Variants in RAI1 observed in about 807,000 individuals in gnomAD.
RAI1 encodes the protein retinoic acid-induced protein 1.
In RAI1, 9 loss-of-function variants were observed where a neutral mutation model predicts 123.8. That is an observed-to-expected ratio of 0.07 (90% CI 0.04 to 0.13). The LOEUF (loss-of-function observed/expected upper bound fraction) is 0.13. Among genes scored for constraint, RAI1 ranks in the 10% least tolerant of loss-of-function variants. The pLI is 1.00. For synonymous variants in RAI1, 1,231 were observed against 1,127.3 expected (o/e 1.09, Z -1.84); for missense variants, 2,256 against 2,545.8 (o/e 0.89, Z 2.45).
intron 2 of RAI1, among the ~76,000 whole-genome samples, chr17:17,748,943 G>T (rs2030039179): frequency 6.6e-6 from 1 of 152,154 alleles, no homozygotes; most frequent in Non-Finnish European, 1.5e-5. Flanking sequence ...CCTGGTGGCA[G>T]GCACACCTCA....
intron 1 of RAI1, chr17:17,683,440 G>C (rs1285576583): frequency 6.6e-6 from 1 of 152,288 alleles, no homozygotes. Context: ...GCCCCTCCCT[G>C]CTGACCACAC....
intron 2 of RAI1, among the ~76,000 whole-genome samples, chr17:17,784,360 C>G (rs985869512): frequency 6.6e-6 from 1 of 152,220 alleles, no homozygotes; most frequent in Non-Finnish European, 1.5e-5. Context: ...GCACATTCCA[C>G]GACTCCTCTG....
chr17:17,684,605 C>A (rs1914557581), intron 1 of RAI1: 1 of 150,872 alleles, frequency 6.6e-6, no homozygotes, highest in Non-Finnish European at 1.5e-5. Context: ...TTGGCACCCT[C>A]CCTGCAGGTA....
rs140258257 is a variant in RAI1, at chr17:17,699,632, G to C, written c.-149+17839G>C. ...AGCCCATCCATTGTCGGGGGGCCGG[G>C]GGGGGGGGAATCAAATGAATTGCCA... is the stretch of plus-strand genomic sequence containing the variant. On this transcript the variant is annotated intron_variant, in intron 1 of 5. Transcript: ENST00000353383. Among the ~76,000 whole-genome samples the C allele has an allele frequency of 1.6e-3, 233 of 149,930 alleles. 1 individual carries two copies. Among genetic ancestry groups the C allele is most frequent in the African/African-American group, 4.9e-3 (196 of 40,258 alleles).
intron 2 of RAI1, among the ~76,000 whole-genome samples, chr17:17,780,939 CAG>C (rs1056783893): frequency 2.0e-5 from 3 of 152,194 alleles, no homozygotes; most frequent in South Asian, 4.1e-4. Context: ...GCCCAGCACT[CAG>C]AGTCAGCGCT....
At chr17:17,781,244 C>A (rs1429995207) in intron 2 of RAI1, among the ~76,000 whole-genome samples, 1 of 152,232 alleles carries the variant, frequency 6.6e-6, no homozygotes, top group Non-Finnish European at 1.5e-5. Flanking sequence ...AACCTTCCGT[C>A]CTCTGTGCTG....
chr17:17,689,735 G>A (rs770765045), intron 1 of RAI1, among the ~76,000 whole-genome samples: 2 of 152,170 alleles, frequency 1.3e-5, no homozygotes, highest in African/African-American at 2.4e-5. Context: ...GTAAAATGGG[G>A]GAACTGATAG....
At chr17:17,769,684 G>C (rs2031073443) in intron 2 of RAI1, among the ~76,000 whole-genome samples, 1 of 152,208 alleles carries the variant, frequency 6.6e-6, no homozygotes, top group South Asian at 2.1e-4. Context: ...CTTCAGGCAG[G>C]GGAACCCCAG....
chr17:17,705,117 C>A (rs576332919), intron 1 of RAI1, among the ~76,000 whole-genome samples: 3 of 152,316 alleles, frequency 2.0e-5, no homozygotes, highest in Non-Finnish European at 4.4e-5. Flanking sequence ...TTTGTTACAG[C>A]AACATGGCTA....
chr17:17,711,865 A>G (rs982984461), intron 1 of RAI1, among the ~76,000 whole-genome samples: 2 of 152,230 alleles, frequency 1.3e-5, no homozygotes, highest in African/African-American at 4.8e-5. Flanking sequence ...GGGACAAAGC[A>G]TTCAACTCCC....
intron 1 of RAI1, among the ~76,000 whole-genome samples, chr17:17,705,552 A>C (rs1485445025): frequency 7.1e-6 from 1 of 140,760 alleles, no homozygotes; most frequent in African/African-American, 2.5e-5. Context: ...GTCTCAAAAA[A>C]CAAAAACAAA....
intron 3 of RAI1, 145 bp downstream of exon 3, chr17:17,798,658 C>T: frequency 2.8e-6 from 4 of 1,413,868 alleles, no homozygotes; most frequent in Non-Finnish European, 1.9e-6. Flanking sequence ...TCCTGAGCCT[C>T]TCTGGGGTGT....
At chr17:17,765,032 C>T (rs1019828128) in intron 2 of RAI1, among the ~76,000 whole-genome samples, 2 of 152,188 alleles carry the variant, frequency 1.3e-5, no homozygotes, top group Non-Finnish European at 2.9e-5. Flanking sequence ...TGTTTATAAT[C>T]GGAGGATCTT....
rs780369266 is a variant in RAI1 at position 17,796,818 on chromosome 17, A to G, written c.3870A>G (p.Thr1290=). The G allele has an allele frequency of 5.6e-6, 9 of 1,610,774 alleles. No homozygotes were observed. In the Admixed American group the frequency reaches 6.7e-5, roughly 12 times the overall value. Residue 1290 remains threonine, a synonymous_variant, in exon 3 of 6, where the codon ACA becomes ACG. Coordinates refer to ENST00000353383, the MANE Select transcript of RAI1 (RefSeq NM_030665.4). This position sits in a 1 kb window ranked among gnomAD's most constrained non-coding sequence, Gnocchi z 5.8. ...KPTKGNGEPA[T]KLPPPETPDA... ...CCAAGGGCAATGGCGAGCCTGCCAC[A>G]AAGCTCCCACCCCCGGAGACCCCCG...
chr17:17,716,830 A>G (rs762691152), intron 1 of RAI1, among the ~76,000 whole-genome samples: 2 of 152,170 alleles, frequency 1.3e-5, no homozygotes, highest in Non-Finnish European at 2.9e-5. Flanking sequence ...AGCGTGGGGC[A>G]CTGGTGGGGC....
rs2032405966 is a variant in RAI1 at position 17,800,180 on chromosome 17, G to GTCTCTCTGTCTCTCTC, written c.5565+1674_5565+1675insGTCTCTCTCTCTCTCT. On this transcript the variant is annotated intron_variant, in intron 3 of 5. Transcript: ENST00000353383. The surrounding 1 kb of genome is among the most constrained non-coding windows in gnomAD (Gnocchi z 4.7). ...TCTCTCCTGCTTTCTGTCTCTCTCT[G>GTCTCTCTGTCTCTCTC]TCTCTCTCTCTCTCTCTCTCTCTCT... Among the ~76,000 whole-genome samples, 1 of 116,316 alleles carries GTCTCTCTGTCTCTCTC rather than the reference G, an allele frequency of 8.6e-6. No individual in the cohort carries two copies. The highest frequency in any genetic ancestry group is 3.0e-5 in the African/African-American group (1 of 33,336). 76.3% of individuals were successfully genotyped at this position (116,316 alleles called of 152,430 possible).
intron 2 of RAI1, among the ~76,000 whole-genome samples, chr17:17,737,417 AC>A (rs1916466201): frequency 6.6e-6 from 1 of 151,788 alleles, no homozygotes; most frequent in Non-Finnish European, 1.5e-5. Flanking sequence ...AGCCTTTGCC[AC>A]CCCCTGGCCC....
In RAI1 at chr17:17,796,405, CAGG is replaced by C; in HGVS notation, c.3460_3462del (p.Glu1154del). 6.2e-7 allele frequency: 1 copy of C among 1,613,726 alleles called. No individual in the cohort carries two copies. The highest frequency in any genetic ancestry group is 8.5e-7 in the Non-Finnish European group (1 of 1,180,032). On this transcript the variant is annotated inframe_deletion, in exon 3 of 6. Transcript: ENST00000353383. The surrounding 1 kb of genome is among the most constrained non-coding windows in gnomAD (Gnocchi z 5.8). ...GATCCTTCGGTCACGCACCAAAACCCAGGAGATCTTCCACTCCAAGCGGCGGAG... is the reference window on the plus strand; with the variant it reads ...GATCCTTCGGTCACGCACCAAAACCCAGATCTTCCACTCCAAGCGGCGGAG...
intron 2 of RAI1, among the ~76,000 whole-genome samples, chr17:17,781,048 C>T (rs569073289): frequency 6.6e-6 from 1 of 152,228 alleles, no homozygotes; most frequent in African/African-American, 2.4e-5. Flanking sequence ...ATCTCCACCC[C>T]CCACCAGAGG....
Sources: allele counts gnomAD v4.1 joint callset (sites outside exome capture counted in the v4.1 genomes callset), GRCh38; gene constraint gnomAD v4.1.1; non-coding constraint Gnocchi (gnomAD v3.1); transcripts MANE v1.5; gene names NCBI Gene and HGNC (gene_info 2026-07-23, HGNC 2026-07-21).